Variants in NEK6 observed in about 807,000 individuals in gnomAD.
NEK6 encodes NIMA related kinase 6, also known as serine/threonine-protein kinase Nek6.
In NEK6, 27 loss-of-function variants were observed where a neutral mutation model predicts 43.5. That is an observed-to-expected ratio of 0.62 (90% confidence interval 0.46 to 0.86). NEK6 has a LOEUF of 0.86. Ranked by LOEUF, NEK6 falls within the 40% of genes least tolerant of loss-of-function variation. The pLI is 0.00. For missense variants in NEK6, 318 were observed against 414.4 expected, an observed-to-expected ratio of 0.77 and a Z score of 2.02; for synonymous variants, 167 against 164.1, an observed-to-expected ratio of 1.02 and a Z score of -0.14.
At chr9:124,327,311 A>G (rs1834391549) in intron 6 of NEK6, 27 bp from the exon 7 acceptor site, 1 of 1,602,446 alleles carries the variant, frequency 6.2e-7, no homozygotes, top group African/African-American at 1.3e-5. Context: ...CCTACCCCAC[A>G]CCAATCTCCT....
intron 1 of NEK6, chr9:124,292,890 G>A (rs1221951860): frequency 2.0e-6 from 3 of 1,480,520 alleles, no homozygotes; most frequent in African/African-American, 1.4e-5. Context: ...GGGGGAGCAG[G>A]CTGTGGAGCT....
At chr9:124,305,764 G>T (rs375687993) in intron 2 of NEK6, among the ~76,000 whole-genome samples, 30 of 152,260 alleles carry the variant, frequency 2.0e-4, no homozygotes, top group African/African-American at 7.2e-4. Flanking sequence ...CCCAGAGAAT[G>T]GGGAGGCCAG....
intron 2 of NEK6, among the ~76,000 whole-genome samples, chr9:124,304,411 C>T (rs780428361): frequency 9.0e-4 from 137 of 152,296 alleles, no homozygotes; most frequent in Non-Finnish European, 1.6e-3. Context: ...CCCAGCTCTC[C>T]GTCTCTCATT....
chr9:124,327,369 C>T lies in NEK6; in HGVS notation c.546C>T (p.Ala182=), dbSNP rs764471490. ...DIKPANVFIT[A]TGVVKLGDLG... ...AGCCTGCCAACGTGTTCATCACAGC[C>T]ACGGGCGTCGTGAAGCTCGGTGACC... Residue 182 remains alanine (A), a synonymous_variant, in exon 7 of 10, where the codon GCC becomes GCT. Coordinates refer to ENST00000320246, the MANE Select transcript of NEK6 (RefSeq NM_014397.6). 2 of 1,613,960 alleles carry T rather than the reference C, an allele frequency of 1.2e-6. No individual in the cohort carries two copies. The highest frequency in any genetic ancestry group is 1.3e-5 in the African/African-American group (1 of 75,048).
chr9:124,322,815 A>G (rs539140863), intron 5 of NEK6, among the ~76,000 whole-genome samples: 86 of 152,338 alleles, frequency 5.6e-4, no homozygotes, highest in Non-Finnish European at 9.7e-4. Context: ...GGATTGAGCA[A>G]TTGCTCAGTG....
chr9:124,311,107 T>G (rs957417789), intron 2 of NEK6, among the ~76,000 whole-genome samples: 12 of 152,064 alleles, frequency 7.9e-5, no homozygotes, highest in African/African-American at 2.9e-4. Context: ...ACGCAGCTGG[T>G]CCGGCCAGCA....
At chr9:124,284,933 C>A (rs1236762488) in intron 1 of NEK6, among the ~76,000 whole-genome samples, 1 of 152,196 alleles carries the variant, frequency 6.6e-6, no homozygotes, top group East Asian at 1.9e-4. Context: ...CAGGAATGCC[C>A]ACCTCATGGG....
Position 124,351,440 on chromosome 9 carries a change from A to AATC in NEK6, c.*496_*498dup, listed in dbSNP as rs1425298419. On this transcript the variant is annotated 3_prime_UTR_variant, in exon 10 of 10. Coordinates refer to ENST00000320246, the MANE Select transcript of NEK6 (RefSeq NM_014397.6). ...CTCTGTTGTAAAGGGATAAAGTGGA[A>AATC]ATCATTTTTTTCCGTGGAGTGGTGA... 6.6e-6 allele frequency: 1 copy of AATC among 152,520 alleles called. No individual in the cohort carries two copies. Among genetic ancestry groups the AATC allele is most frequent in the Non-Finnish European group, 1.5e-5 (1 of 68,258 alleles). 9.4% of individuals were successfully genotyped at this position (152,520 alleles called of 1,614,324 possible).
chr9:124,317,287 C>T (rs1833866009), intron 4 of NEK6, among the ~76,000 whole-genome samples: 1 of 152,218 alleles, frequency 6.6e-6, no homozygotes, highest in African/African-American at 2.4e-5. Flanking sequence ...GGGTCTCGCT[C>T]TGTCACCCAG....
intron 1 of NEK6, among the ~76,000 whole-genome samples, chr9:124,297,104 G>A (rs1461710379): frequency 2.0e-5 from 3 of 152,206 alleles, no homozygotes; most frequent in African/African-American, 4.8e-5. Flanking sequence ...TCCTAAAGAG[G>A]CCATGCTGCG....
At chr9:124,288,090 G>T (rs988505031) in intron 1 of NEK6, among the ~76,000 whole-genome samples, 4 of 152,238 alleles carry the variant, frequency 2.6e-5, no homozygotes, top group Non-Finnish European at 4.4e-5. Context: ...CCAAAAGGCG[G>T]ATCCCCAGAG....
intron 5 of NEK6, among the ~76,000 whole-genome samples, chr9:124,322,151 TG>T (rs774420070): frequency 1.3e-4 from 20 of 152,198 alleles, no homozygotes; most frequent in Non-Finnish European, 2.8e-4. Context: ...TTTCCTGGCC[TG>T]GGACCCTTTG....
At chr9:124,350,260 T>A (rs1830182652) in intron 9 of NEK6, among the ~76,000 whole-genome samples, 1 of 152,204 alleles carries the variant, frequency 6.6e-6, no homozygotes, top group Non-Finnish European at 1.5e-5. Flanking sequence ...TTAAAATAAT[T>A]GGCACTCCGG....
intron 1 of NEK6, among the ~76,000 whole-genome samples, chr9:124,258,688 A>G (rs532797893): frequency 6.6e-6 from 1 of 152,264 alleles, no homozygotes; most frequent in South Asian, 2.1e-4. Context: ...CCGTGGAGAG[A>G]GAAGCGGCCT....
chr9:124,290,342 C>T lies in NEK6; in HGVS notation c.-29-11594C>T, dbSNP rs577290427. ...CACCAGGTCCTGACTGGGAGTCCGG[C>T]CCCCAGGGCCTGTGGATGGCTGGCC... On this transcript the variant is annotated intron_variant, in intron 1 of 9. Coordinates refer to ENST00000320246, the MANE Select transcript of NEK6 (RefSeq NM_014397.6). Among the ~76,000 whole-genome samples, 15 of 152,358 alleles carry T rather than the reference C, an allele frequency of 9.8e-5. No homozygotes were observed. The South Asian group carries it at 3.1e-3, about 32-fold the overall frequency.
At chr9:124,316,456 C>A (rs1274063232) in intron 4 of NEK6, among the ~76,000 whole-genome samples, 3 of 152,206 alleles carry the variant, frequency 2.0e-5, no homozygotes, top group Non-Finnish European at 4.4e-5. Flanking sequence ...AGGACAGGGA[C>A]CCTTACTCTC....
rs770350698 is a variant in NEK6 at position 124,324,798 on chromosome 9, AGCTGGGT to A, written c.406-1523_406-1517del. 1.3e-5 allele frequency among the ~76,000 whole-genome samples: 2 copies of A among 152,162 alleles called. No individual in the cohort carries two copies. The highest frequency in any genetic ancestry group is 2.9e-5 in the Non-Finnish European group (2 of 68,012). On this transcript the variant is annotated intron_variant, in intron 5 of 9. Coordinates refer to ENST00000320246, the MANE Select transcript of NEK6 (RefSeq NM_014397.6). This position sits in a 1 kb window ranked among gnomAD's most constrained non-coding sequence, Gnocchi z 5.3. ...TGGGAAGCACCCAGACCTGGGTCCC[AGCTGGGT>A]GCTGGGTGACCTTGGGCATGTTCCT...
intron 7 of NEK6, among the ~76,000 whole-genome samples, chr9:124,336,754 A>C (rs1280391388): frequency 6.6e-6 from 1 of 152,074 alleles, no homozygotes; most frequent in Non-Finnish European, 1.5e-5. Context: ...CACACCTATA[A>C]TCCCAGCACT....
chr9:124,315,537 T>G (rs554574310), intron 4 of NEK6, among the ~76,000 whole-genome samples: 21 of 152,284 alleles, frequency 1.4e-4, no homozygotes, highest in African/African-American at 4.6e-4. Flanking sequence ...TCGAAAACAT[T>G]GTTTAAATGT....
Sources: gnomAD v4.1 joint callset for allele counts (sites outside exome capture counted in the v4.1 genomes callset) on GRCh38, gnomAD v4.1.1 for gene constraint, Gnocchi (gnomAD v3.1) non-coding constraint, MANE v1.5 for transcripts, NCBI Gene and HGNC (gene_info 2026-07-23, HGNC 2026-07-21) for gene names.